The following TENM4 variants were observed in gnomAD, a reference collection of about 807,000 sequenced individuals.
TENM4 encodes the protein teneurin-4.
In TENM4, 82 loss-of-function variants were observed where a neutral mutation model predicts 243.3. The observed-to-expected ratio is 0.34, with a 90% CI of 0.28 to 0.40. The LOEUF (loss-of-function observed/expected upper bound fraction) is 0.40, where lower values mean the gene tolerates loss of function less well. Among genes scored for constraint, TENM4 ranks in the 10% least tolerant of loss-of-function variants. TENM4 has a pLI of 1.00. For missense variants in TENM4, 3,138 were observed against 3,673.3 expected, an observed-to-expected ratio of 0.85 and a Z score of 3.77; for synonymous variants, 1,412 against 1,456.3, an observed-to-expected ratio of 0.97 and a Z score of 0.69.
In TENM4 at chr11:79,155,565, AAAT is replaced by A. The variant is rs369227265; in HGVS notation, c.-162-6762_-162-6760del. Among the ~76,000 whole-genome samples, 82 of 152,144 alleles carry A rather than the reference AAAT, an allele frequency of 5.4e-4. No individual in the cohort carries two copies. The East Asian group carries it at 0.014, about 27-fold the overall frequency. ...TGTTCTTTAATAATATTTGATGTTT[AAAT>A]AATAGTTGATGTTTGTTTCCAAGTA... On this transcript the variant is annotated intron_variant, in intron 3 of 33. Coordinates refer to ENST00000278550, the MANE Select transcript of TENM4 (RefSeq NM_001098816.3).
intron 20 of TENM4, among the ~76,000 whole-genome samples, chr11:78,733,502 C>A (rs1590977405): frequency 6.6e-6 from 1 of 152,196 alleles, no homozygotes; most frequent in Admixed American, 6.5e-5. Context: ...TGCCTCACCC[C>A]AGAATATCTT....
At chr11:79,029,943 G>A (rs1162773466) in intron 6 of TENM4, among the ~76,000 whole-genome samples, 2 of 152,176 alleles carry the variant, frequency 1.3e-5, no homozygotes, top group East Asian at 3.9e-4. Flanking sequence ...GTTAACAGCT[G>A]TTAAACAGCT....
chr11:79,375,734 A>C, intron 1 of TENM4, among the ~76,000 whole-genome samples: 1 of 152,228 alleles, frequency 6.6e-6, no homozygotes, highest in Admixed American at 6.5e-5. Context: ...AAGCTGTATA[A>C]ATGCAATAAA....
At chr11:78,765,381 G>A (rs557353231) in intron 18 of TENM4, among the ~76,000 whole-genome samples, 1 of 152,276 alleles carries the variant, frequency 6.6e-6, no homozygotes, top group African/African-American at 2.4e-5. Context: ...AAATTCTTTG[G>A]CTTTATGTGA....
chr11:79,020,188 A>G (rs1858890606), intron 6 of TENM4, among the ~76,000 whole-genome samples: 1 of 152,220 alleles, frequency 6.6e-6, no homozygotes, highest in Non-Finnish European at 1.5e-5. Flanking sequence ...ACTGATCCAG[A>G]GAAATCAAGA....
At chr11:78,956,812 G>A (rs553565506) in intron 6 of TENM4, among the ~76,000 whole-genome samples, 8 of 152,316 alleles carry the variant, frequency 5.3e-5, no homozygotes, top group African/African-American at 1.7e-4. Flanking sequence ...AATCCCATGA[G>A]TATAAGTATT....
chr11:79,170,253 C>T (rs1863011077), intron 3 of TENM4, among the ~76,000 whole-genome samples: 1 of 152,138 alleles, frequency 6.6e-6, no homozygotes, highest in South Asian at 2.1e-4. Context: ...ACATAAGACT[C>T]TGTCACATCA....
At chr11:79,312,900 C>T (rs991195188) in intron 1 of TENM4, among the ~76,000 whole-genome samples, 1 of 152,218 alleles carries the variant, frequency 6.6e-6, no homozygotes, top group East Asian at 1.9e-4. Flanking sequence ...CCAGGGCAAG[C>T]TACTCACTCC....
chr11:79,245,844 A>T (rs547864171), intron 2 of TENM4, among the ~76,000 whole-genome samples: 196 of 150,592 alleles, frequency 1.3e-3, no homozygotes, highest in African/African-American at 4.5e-3. Flanking sequence ...GGAGGTTGAG[A>T]CAGGAGAATT....
At chr11:79,180,019 C>T (rs1186154017) in intron 3 of TENM4, among the ~76,000 whole-genome samples, 1 of 151,708 alleles carries the variant, frequency 6.6e-6, no homozygotes, top group Non-Finnish European at 1.5e-5. Context: ...GTCTCCAAAA[C>T]CTAAGGTCTG....
At chr11:79,289,609 C>T (rs553303376) in intron 2 of TENM4, among the ~76,000 whole-genome samples, 1 of 152,370 alleles carries the variant, frequency 6.6e-6, no homozygotes, top group African/African-American at 2.4e-5. Context: ...CAACTCCTCC[C>T]TTTCTTCCCT....
At chr11:78,772,196 T>G (rs747498861) in intron 17 of TENM4, among the ~76,000 whole-genome samples, 28 of 152,176 alleles carry the variant, frequency 1.8e-4, no homozygotes, top group Non-Finnish European at 3.7e-4. Context: ...AAAATACTAT[T>G]AAAGTAGATT....
intron 3 of TENM4, chr11:79,191,931 C>G (rs1385113950): frequency 2.5e-5 from 4 of 163,042 alleles, no homozygotes; most frequent in Admixed American, 1.9e-4. Context: ...CTCCGCCCCC[C>G]ATCCAGGAGG....
rs772838695 is a variant in TENM4, at chr11:78,889,924, G to A, written c.945C>T (p.Pro315=). 6.4e-7 allele frequency: 1 copy of A among 1,551,762 alleles called. No homozygotes were observed. Among genetic ancestry groups the A allele is most frequent in the South Asian group, 1.2e-5 (1 of 84,064 alleles). The change falls in exon 9 of 34, where the codon CCC becomes CCT. Residue 315 remains proline (P), a synonymous_variant. Coordinates refer to ENST00000278550, the MANE Select transcript of TENM4 (RefSeq NM_001098816.3). ...CGAAGGTGCTGCGGGGCAGGGGTCG[G>A]GGCGGAGGAGAGTACACTGTGCTGG... The part of the protein sequence containing the change: ...LTSSTVYSPP[P]RPLPRSTFAR...
chr11:79,250,695 T>G (rs1027221849), intron 2 of TENM4, among the ~76,000 whole-genome samples: 10 of 152,248 alleles, frequency 6.6e-5, no homozygotes, highest in Admixed American at 5.2e-4. Context: ...TTAATGGCAT[T>G]TATAATCATC....
At chr11:79,384,143 T>A (rs2135529669) in intron 1 of TENM4, among the ~76,000 whole-genome samples, 1 of 152,290 alleles carries the variant, frequency 6.6e-6, no homozygotes, top group South Asian at 2.1e-4. Context: ...TAATTTACAG[T>A]GTTTTAGACC....
In TENM4 at chr11:79,225,995, A is replaced by T. The variant is rs199922333; in HGVS notation, c.-264-10086T>A. ...GCCCACTGCTTCTAAATGCTGTCCAAACATGTCCCCAGAAGACAGAGACAA... is the reference window on the plus strand; with the variant it reads ...GCCCACTGCTTCTAAATGCTGTCCATACATGTCCCCAGAAGACAGAGACAA... On this transcript the variant is annotated intron_variant, in intron 2 of 33. Transcript: ENST00000278550. 3.3e-5 allele frequency among the ~76,000 whole-genome samples: 5 copies of T among 152,192 alleles called. No individual in the cohort carries two copies. The East Asian group carries it at 9.6e-4, about 29-fold the overall frequency.
intron 9 of TENM4, among the ~76,000 whole-genome samples, chr11:78,873,217 T>C (rs1565417028): frequency 1.3e-5 from 2 of 152,304 alleles, no homozygotes; most frequent in East Asian, 3.9e-4. Flanking sequence ...TTACCTCTGC[T>C]TCTTGTTTGA....
At chr11:78,702,492 A>G in intron 27 of TENM4, 89 bp from the exon 28 acceptor site, 1 of 1,482,502 alleles carries the variant, frequency 6.7e-7, no homozygotes, top group South Asian at 1.3e-5. Flanking sequence ...AACAGTGTCC[A>G]AAGTGGCTTC....
Sources: allele counts gnomAD v4.1 joint callset (sites outside exome capture counted in the v4.1 genomes callset), GRCh38; gene constraint gnomAD v4.1.1; transcripts MANE v1.5; gene names NCBI Gene and HGNC (gene_info 2026-07-23, HGNC 2026-07-21).